ADARB2: variants seen among roughly 807,000 people sequenced by gnomAD.
ADARB2 encodes inactive double-stranded RNA-specific editase B2.
A neutral mutation model predicts 62.2 loss-of-function variants in ADARB2; 25 were observed. That is an observed-to-expected ratio of 0.40 (90% CI 0.29 to 0.56). The LOEUF is 0.56. Ranked by LOEUF, ADARB2 falls within the 20% of genes least tolerant of loss-of-function variation. The pLI, the probability that ADARB2 is intolerant of heterozygous loss-of-function variation, is 0.43. For synonymous variants in ADARB2, 572 were observed against 500.8 expected (o/e 1.14, Z -1.90); for missense variants, 1,071 against 1,077.4 (o/e 0.99, Z 0.08).
chr10:1,643,540 G>A (rs1588335827), intron 1 of ADARB2, among the ~76,000 whole-genome samples: 1 of 152,174 alleles, frequency 6.6e-6, no homozygotes, highest in Non-Finnish European at 1.5e-5. Flanking sequence ...CAACAGTGAC[G>A]TCAGCTTCAC....
chr10:1,493,263 A>G (rs1472164990), intron 1 of ADARB2, among the ~76,000 whole-genome samples: 1 of 152,222 alleles, frequency 6.6e-6, no homozygotes, highest in Non-Finnish European at 1.5e-5. Flanking sequence ...TGCTATTTAT[A>G]AAGTATTAGG....
intron 3 of ADARB2, among the ~76,000 whole-genome samples, chr10:1,273,677 G>A (rs1252086800): frequency 2.0e-5 from 3 of 152,204 alleles, no homozygotes; most frequent in Non-Finnish European, 4.4e-5. Flanking sequence ...GGCCCACAGA[G>A]TCCTGGAGCC....
intron 3 of ADARB2, among the ~76,000 whole-genome samples, chr10:1,287,306 T>C (rs563335074): frequency 2.0e-5 from 3 of 152,368 alleles, no homozygotes; most frequent in African/African-American, 7.2e-5. Context: ...GGGTGCAATG[T>C]GATGTCTTGA....
chr10:1,288,146 G>A (rs1423987683), intron 3 of ADARB2, among the ~76,000 whole-genome samples: 3 of 152,178 alleles, frequency 2.0e-5, no homozygotes, highest in Non-Finnish European at 2.9e-5. Context: ...AGACAGGCTC[G>A]GCCATGCCCA....
intron 2 of ADARB2, among the ~76,000 whole-genome samples, chr10:1,372,972 A>C (rs932815813): frequency 2.0e-5 from 3 of 152,164 alleles, no homozygotes; most frequent in African/African-American, 7.2e-5. Flanking sequence ...GCTACAAAAC[A>C]CTGAGAAAAG....
intron 1 of ADARB2, among the ~76,000 whole-genome samples, chr10:1,465,623 C>A (rs1831244725): frequency 6.6e-6 from 1 of 152,196 alleles, no homozygotes; most frequent in Admixed American, 6.5e-5. Context: ...TTGACTTTAC[C>A]TGTCCTCAGA....
At chr10:1,356,040 T>G (rs1448867881) in intron 3 of ADARB2, among the ~76,000 whole-genome samples, 1 of 152,172 alleles carries the variant, frequency 6.6e-6, no homozygotes, top group Non-Finnish European at 1.5e-5. Flanking sequence ...AGTGCCTCAT[T>G]AAGGAAGGAT....
In ADARB2 at chr10:1,737,345, T is replaced by G; in HGVS notation, c.-195A>C. ...ATTGTTCTCTATGACTTGCTCCCACTGGGCTGGGGGCCTCGGCTGGGCGCC... is the reference window on the plus strand; with the variant it reads ...ATTGTTCTCTATGACTTGCTCCCACGGGGCTGGGGGCCTCGGCTGGGCGCC... On this transcript the variant is annotated 5_prime_UTR_variant, in exon 1 of 10. Transcript: ENST00000381312. The G allele has an allele frequency of 1.7e-6, 1 of 571,920 alleles. No individual in the cohort carries two copies. Among genetic ancestry groups the G allele is most frequent in the Non-Finnish European group, 3.1e-6 (1 of 326,944 alleles). The allele number at this position is 571,920 out of a possible 1,614,324, so 35.4% of individuals were successfully genotyped here. A position where few individuals can be genotyped will look rare whatever the true frequency, so the allele number is the denominator to read the frequency against.
intron 1 of ADARB2, among the ~76,000 whole-genome samples, chr10:1,690,405 TAAGA>T (rs1834653444): frequency 6.6e-6 from 1 of 152,128 alleles, no homozygotes. Flanking sequence ...GCTTTTGTGT[TAAGA>T]AATAAAAACT....
Position 1,277,959 on chromosome 10 carries a change from TTCTC to T in ADARB2, c.1078-6894_1078-6891del, listed in dbSNP as rs769743622. Among the ~76,000 whole-genome samples, 458 of 80,342 alleles carry T rather than the reference TTCTC, an allele frequency of 5.7e-3. 1 individual carries two copies. The highest frequency in any genetic ancestry group is 0.013 in the African/African-American group (409 of 32,290). 52.7% of individuals were successfully genotyped at this position (80,342 alleles called of 152,430 possible). A position where few individuals can be genotyped will look rare whatever the true frequency, so the allele number is the denominator to read the frequency against. On this transcript the variant is annotated intron_variant, in intron 3 of 9. Transcript: ENST00000381312. ...TTCCTTCCTTCCTTCCTTCCCCTCT[TTCTC>T]TCTCTCTTTCTTTTTTTCCTTTTTG...
intron 1 of ADARB2, among the ~76,000 whole-genome samples, chr10:1,544,246 G>A (rs548422124): frequency 3.5e-4 from 53 of 152,342 alleles, no homozygotes; most frequent in Middle Eastern, 6.8e-3. Flanking sequence ...TGGCACCAGG[G>A]CTGCTGAGTT....
intron 1 of ADARB2, among the ~76,000 whole-genome samples, chr10:1,382,237 TTC>T (rs1398724987): frequency 4.6e-5 from 7 of 152,218 alleles, no homozygotes; most frequent in Non-Finnish European, 8.8e-5. Flanking sequence ...CCTAACCAAC[TTC>T]TCTTTCCACG....
chr10:1,499,190 C>T (rs1219541711), intron 1 of ADARB2, among the ~76,000 whole-genome samples: 2 of 151,550 alleles, frequency 1.3e-5, no homozygotes, highest in East Asian at 3.9e-4. Flanking sequence ...CATCACTAAT[C>T]ACTTATCATT....
intron 1 of ADARB2, among the ~76,000 whole-genome samples, chr10:1,576,449 C>T (rs1373885395): frequency 6.6e-6 from 1 of 152,144 alleles, no homozygotes; most frequent in Non-Finnish European, 1.5e-5. Context: ...GGAGGGCTCT[C>T]CCTGCTGGAC....
At chr10:1,374,633 C>T (rs1309196014) in intron 2 of ADARB2, among the ~76,000 whole-genome samples, 1 of 152,158 alleles carries the variant, frequency 6.6e-6, no homozygotes, top group African/African-American at 2.4e-5. Context: ...CCGTATGCAG[C>T]GCTGCGCTTG....
At chr10:1,736,793 C>A (rs759079152) in intron 1 of ADARB2, among the ~76,000 whole-genome samples, 6 of 152,204 alleles carry the variant, frequency 3.9e-5, no homozygotes, top group Non-Finnish European at 7.3e-5. Flanking sequence ...GGGAGCTCCT[C>A]GCCGCCCTCG....
At chr10:1,402,329 G>T (rs1832671926) in intron 1 of ADARB2, among the ~76,000 whole-genome samples, 1 of 152,138 alleles carries the variant, frequency 6.6e-6, no homozygotes, top group South Asian at 2.1e-4. Context: ...CTCATCAACC[G>T]CTATTCTGCA....
chr10:1,520,175 C>G (rs1294516168), intron 1 of ADARB2, among the ~76,000 whole-genome samples: 2 of 152,218 alleles, frequency 1.3e-5, no homozygotes, highest in African/African-American at 4.8e-5. Context: ...AACTTGGTAG[C>G]ACATTTGCTT....
chr10:1,539,404 T>C (rs947609935), intron 1 of ADARB2, among the ~76,000 whole-genome samples: 8 of 152,188 alleles, frequency 5.3e-5, no homozygotes, highest in African/African-American at 1.9e-4. Context: ...TGCAAACCCA[T>C]CGACCAGTGC....
Sources: gnomAD v4.1 joint callset for allele counts (sites outside exome capture counted in the v4.1 genomes callset) on GRCh38, gnomAD v4.1.1 for gene constraint, MANE v1.5 for transcripts, NCBI Gene and HGNC (gene_info 2026-07-23, HGNC 2026-07-21) for gene names.